Variants in KCNAB1 observed in about 807,000 individuals in gnomAD.
KCNAB1 encodes potassium voltage-gated channel subfamily A regulatory beta subunit 1.
In KCNAB1, 35 loss-of-function variants were observed where a neutral mutation model predicts 64.6. That is an observed-to-expected ratio of 0.54 (90% confidence interval 0.41 to 0.72). The LOEUF (loss-of-function observed/expected upper bound fraction) is 0.72. Ranked by LOEUF, KCNAB1 falls within the 30% of genes least tolerant of loss-of-function variation. KCNAB1 has a pLI of 0.00. For synonymous variants in KCNAB1, 177 were observed against 183.8 expected (o/e 0.96, Z 0.30); for missense variants, 401 against 512.9 (o/e 0.78, Z 2.11).
chr3:156,284,616 G>A (rs1253395364), intron 1 of KCNAB1, among the ~76,000 whole-genome samples: 4 of 152,310 alleles, frequency 2.6e-5, no homozygotes, highest in South Asian at 4.1e-4. Flanking sequence ...AGCAATCAGC[G>A]AGACTCCGTG....
At chr3:156,272,985 G>T (rs1036588239) in intron 1 of KCNAB1, among the ~76,000 whole-genome samples, 2 of 152,100 alleles carry the variant, frequency 1.3e-5, no homozygotes, top group Non-Finnish European at 2.9e-5. Context: ...CTAGCCCAGG[G>T]TTTGTCTAGA....
At chr3:156,490,491 A>G (rs996999758) in intron 8 of KCNAB1, among the ~76,000 whole-genome samples, 1 of 152,138 alleles carries the variant, frequency 6.6e-6, no homozygotes, top group African/African-American at 2.4e-5. Context: ...ATACTTGGTG[A>G]TATAAGAGAA....
At chr3:156,474,527 C>G (rs921759766) in intron 7 of KCNAB1, 2 of 402,040 alleles carry the variant, frequency 5.0e-6, no homozygotes. Flanking sequence ...CCTGAAAAAG[C>G]TCTAAGACTT....
chr3:156,191,727 A>G (rs1713579508), intron 1 of KCNAB1, among the ~76,000 whole-genome samples: 1 of 152,220 alleles, frequency 6.6e-6, no homozygotes, highest in East Asian at 1.9e-4. Context: ...TGCTAAATGA[A>G]GAGCTGCCAG....
rs1437033776 is a variant in KCNAB1 at position 156,181,518 on chromosome 3, T to C, written c.275+60632T>C. On this transcript the variant is annotated intron_variant, in intron 1 of 13. Coordinates refer to ENST00000490337, the MANE Select transcript of KCNAB1 (RefSeq NM_172160.3). ...GTCAATCAAACAATGATGTGTTGGA[T>C]TGGCTGGAAAGAATACAGAGAGAAG... Among the ~76,000 whole-genome samples, 5 of 152,134 alleles carry C rather than the reference T, an allele frequency of 3.3e-5. No individual in the cohort carries two copies. In the South Asian group the frequency reaches 8.3e-4, roughly 25 times the overall value.
At chr3:156,179,405 C>G in intron 1 of KCNAB1, among the ~76,000 whole-genome samples, 1 of 150,484 alleles carries the variant, frequency 6.6e-6, no homozygotes. Flanking sequence ...TTTATTATTC[C>G]CTGGTTTGGA....
chr3:156,523,484 A>G (rs563173233), intron 11 of KCNAB1, among the ~76,000 whole-genome samples: 1 of 151,910 alleles, frequency 6.6e-6, no homozygotes, highest in African/African-American at 2.4e-5. Context: ...TTTTTTTGCT[A>G]CATTCTAAAG....
chr3:156,387,012 C>CTTTTTTTTTTTTT (rs1300773290), intron 1 of KCNAB1, among the ~76,000 whole-genome samples: 1 of 89,468 alleles, frequency 1.1e-5, no homozygotes. Context: ...CTTTCTCTCT[C>CTTTTTTTTTTTTT]TCTTTTTTTT....
intron 1 of KCNAB1, among the ~76,000 whole-genome samples, chr3:156,385,986 T>C (rs1443803687): frequency 1.3e-5 from 2 of 152,210 alleles, no homozygotes; most frequent in African/African-American, 2.4e-5. Context: ...TTTCAAATAA[T>C]TCAATCATGA....
intron 1 of KCNAB1, among the ~76,000 whole-genome samples, chr3:156,129,310 C>A (rs532201567): frequency 1.3e-5 from 2 of 152,088 alleles, no homozygotes; most frequent in African/African-American, 4.8e-5. Flanking sequence ...CTCTATGTAC[C>A]GAATACTCTG....
intron 1 of KCNAB1, among the ~76,000 whole-genome samples, chr3:156,185,301 A>G (rs991449339): frequency 6.6e-6 from 1 of 152,150 alleles, no homozygotes; most frequent in African/African-American, 2.4e-5. Context: ...AGCAGGCCCA[A>G]GCCCATGTCC....
intron 8 of KCNAB1, among the ~76,000 whole-genome samples, chr3:156,497,215 G>A (rs921873452): frequency 6.6e-6 from 1 of 152,154 alleles, no homozygotes; most frequent in Non-Finnish European, 1.5e-5. Context: ...CCAGTGAGCT[G>A]AGCTGCATGA....
chr3:156,358,099 G>A (rs1307608876), intron 1 of KCNAB1, among the ~76,000 whole-genome samples: 2 of 152,174 alleles, frequency 1.3e-5, no homozygotes, highest in Admixed American at 6.5e-5. Context: ...GTAAACAACA[G>A]CCACCTGTGG....
At position 156,208,073 on chromosome 3, in the gene KCNAB1, AT is replaced by A. The variant is rs919578376; in HGVS notation, c.275+87196del. 3.7e-4 allele frequency among the ~76,000 whole-genome samples: 56 copies of A among 151,750 alleles called. 1 individual carries two copies. In the South Asian group the frequency reaches 9.0e-3, roughly 24 times the overall value. ...TTGTTCAGGTCAGAATACATGATAT[AT>A]TTTTTTTTCTAGCACCAATTGGCAG... On this transcript the variant is annotated intron_variant, in intron 1 of 13. Coordinates refer to ENST00000490337, the MANE Select transcript of KCNAB1 (RefSeq NM_172160.3).
At chr3:156,526,511 T>C (rs2108415371) in intron 12 of KCNAB1, among the ~76,000 whole-genome samples, 1 of 152,326 alleles carries the variant, frequency 6.6e-6, no homozygotes, top group East Asian at 1.9e-4. Flanking sequence ...ATCCAGCATA[T>C]ATTTTACACC....
At chr3:156,237,642 C>T (rs1406776698) in intron 1 of KCNAB1, among the ~76,000 whole-genome samples, 4 of 152,202 alleles carry the variant, frequency 2.6e-5, no homozygotes, top group Non-Finnish European at 5.9e-5. Flanking sequence ...GGCCTTTGCA[C>T]ATGTGCTTTC....
chr3:156,522,083 A>G (rs199903323), intron 11 of KCNAB1, among the ~76,000 whole-genome samples: 1 of 40,936 alleles, frequency 2.4e-5, no homozygotes, highest in African/African-American at 6.2e-5. Flanking sequence ...AATGCACTGC[A>G]TACAAGATTT....
intron 2 of KCNAB1, among the ~76,000 whole-genome samples, chr3:156,427,811 C>T (rs1431355396): frequency 2.6e-5 from 4 of 152,136 alleles, no homozygotes; most frequent in Non-Finnish European, 5.9e-5. Flanking sequence ...GGTTTAGACC[C>T]AGAGCTGTTT....
intron 7 of KCNAB1, among the ~76,000 whole-genome samples, chr3:156,472,101 C>T (rs1713945811): frequency 6.6e-6 from 1 of 152,098 alleles, no homozygotes; most frequent in Non-Finnish European, 1.5e-5. Flanking sequence ...ACTTGGCTCC[C>T]CGACCACCTC....
Sources: allele counts gnomAD v4.1 joint callset (sites outside exome capture counted in the v4.1 genomes callset), GRCh38; gene constraint gnomAD v4.1.1; transcripts MANE v1.5; gene names NCBI Gene and HGNC (gene_info 2026-07-23, HGNC 2026-07-21).